The following VGLL4 variants were observed in gnomAD, a reference collection of about 807,000 sequenced individuals.
The protein encoded by VGLL4 is vestigial like family member 4, also known as transcription cofactor vestigial-like protein 4.
Under a neutral mutation model 21.0 loss-of-function variants are expected in VGLL4, and 7 were observed. The observed-to-expected ratio is 0.33, with a 90% CI of 0.19 to 0.63. VGLL4 has a LOEUF of 0.63. Ranked by LOEUF, VGLL4 falls within the 20% of genes least tolerant of loss-of-function variation. VGLL4 has a pLI of 0.78. For missense variants in VGLL4, 394 were observed against 425.7 expected (o/e 0.93, Z 0.66); for synonymous variants, 222 against 173.2 (o/e 1.28, Z -2.21).
Position 11,558,571 on chromosome 3 carries a change from G to T in VGLL4, c.876C>A (p.Pro292=). The change falls in exon 5 of 5, where the codon CCC becomes CCA. Residue 292 remains proline (P), a synonymous_variant. Coordinates refer to ENST00000430365, the MANE Select transcript of VGLL4 (RefSeq NM_001128219.3). Reference sequence around the variant, plus strand: ...GGCGCTCCCTTCAGGAGACCACAGAGGGGGAGTGACTGTGGCTGACCATGT... The same window carrying T: ...GGCGCTCCCTTCAGGAGACCACAGATGGGGAGTGACTGTGGCTGACCATGT... The part of the protein sequence containing the change: ...SAHMVSHSHS[P]SVVS 2 of 1,602,510 alleles carry T rather than the reference G, an allele frequency of 1.2e-6. No homozygotes were observed. Among genetic ancestry groups the T allele is most frequent in the East Asian group, 2.2e-5 (1 of 44,840 alleles).
chr3:11,561,500 G>A (rs1448889759), intron 3 of VGLL4, among the ~76,000 whole-genome samples: 1 of 152,172 alleles, frequency 6.6e-6, no homozygotes. Context: ...CCAGGCTGCA[G>A]GGTGGCCCGT....
chr3:11,684,757 T>TGTGTGTGTGTGTGTGTG (rs2076422305), intron 2 of VGLL4, among the ~76,000 whole-genome samples: 1 of 151,908 alleles, frequency 6.6e-6, no homozygotes, highest in African/African-American at 2.4e-5. Context: ...TGTGTGTGTG[T>TGTGTGTGTGTGTGTGTG]AAACAGAAAA....
At chr3:11,582,237 T>G (rs2125226900) in intron 2 of VGLL4, 1 of 1,594,486 alleles carries the variant, frequency 6.3e-7, no homozygotes, top group East Asian at 2.2e-5. Flanking sequence ...CCATCTGGTT[T>G]GAAAAAGCAA....
chr3:11,611,374 A>G (rs6767687), intron 1 of VGLL4, among the ~76,000 whole-genome samples: 75,584 of 152,078 alleles, frequency 0.5, 21,856 homozygotes, highest in Non-Finnish European at 0.68. Context: ...GATATGGGAG[A>G]AGAGAAGGCG....
intron 3 of VGLL4, 64 bp downstream of exon 3, chr3:11,564,733 C>T (rs1007785822): frequency 1.4e-6 from 2 of 1,471,212 alleles, no homozygotes; most frequent in Non-Finnish European, 1.8e-6. Context: ...GCTCGGGGCT[C>T]TCCATCCAGC....
At chr3:11,574,785 A>ATATGTGTGTGTGTGTGTG (rs1305114995) in intron 2 of VGLL4, among the ~76,000 whole-genome samples, 15 of 121,698 alleles carry the variant, frequency 1.2e-4, no homozygotes, top group African/African-American at 4.5e-4. Flanking sequence ...TCAACTATAT[A>ATATGTGTGTGTGTGTGTG]TGTGTGTGTG....
At chr3:11,564,061 T>C (rs2073290600) in intron 3 of VGLL4, among the ~76,000 whole-genome samples, 1 of 152,184 alleles carries the variant, frequency 6.6e-6, no homozygotes, top group South Asian at 2.1e-4. Context: ...TCTTAGCAAA[T>C]GCTGACTACT....
rs1424569662 is a variant in VGLL4 at position 11,719,672 on chromosome 3, CGCCAGGCCA to C, written c.-14+713_-14+721del. 6.6e-6 allele frequency: 1 copy of C among 152,324 alleles called. No homozygotes were observed. The highest frequency in any genetic ancestry group is 2.4e-5 in the African/African-American group (1 of 41,438). 9.4% of individuals were successfully genotyped at this position (152,324 alleles called of 1,614,324 possible). A position where few individuals can be genotyped will look rare whatever the true frequency, so the allele number is the denominator to read the frequency against. On this transcript the variant is annotated intron_variant, in intron 1 of 5. Coordinates refer to the VGLL4 transcript ENST00000273038. The surrounding 1 kb of genome is among the most constrained non-coding windows in gnomAD (Gnocchi z 4.0). ...GCACCGGCCAACCTGAGCCGGGCTC[CGCCAGGCCA>C]GCCAGGCCACGCCCTCGGTCACGCC...
At chr3:11,657,839 T>C (rs1403590473) in intron 2 of VGLL4, among the ~76,000 whole-genome samples, 2 of 152,236 alleles carry the variant, frequency 1.3e-5, no homozygotes, top group Admixed American at 6.5e-5. Flanking sequence ...ATTATGATCC[T>C]AGATGCAGTG....
At chr3:11,577,086 C>T (rs1020653250) in intron 2 of VGLL4, among the ~76,000 whole-genome samples, 3 of 152,196 alleles carry the variant, frequency 2.0e-5, no homozygotes, top group Middle Eastern at 3.2e-3. Context: ...TGACCCAGGG[C>T]TGGGCCATCC....
chr3:11,693,740 T>G (rs1431963623), intron 2 of VGLL4, among the ~76,000 whole-genome samples: 1 of 152,192 alleles, frequency 6.6e-6, no homozygotes, highest in African/African-American at 2.4e-5. Context: ...GATGAAGGAC[T>G]GTCCCCGAGC....
At chr3:11,622,709 G>A (rs1328013593) in intron 1 of VGLL4, among the ~76,000 whole-genome samples, 1 of 152,188 alleles carries the variant, frequency 6.6e-6, no homozygotes, top group African/African-American at 2.4e-5. Context: ...AGTTCTCTAG[G>A]CCCCTTATTC....
intron 2 of VGLL4, among the ~76,000 whole-genome samples, chr3:11,679,992 G>GT (rs2076347725): frequency 1.3e-5 from 2 of 152,168 alleles, no homozygotes; most frequent in African/African-American, 4.8e-5. Flanking sequence ...TCCAGTCATG[G>GT]TAAGTGCCCT....
At chr3:11,689,186 G>A (rs1316538889) in intron 2 of VGLL4, among the ~76,000 whole-genome samples, 2 of 152,140 alleles carry the variant, frequency 1.3e-5, no homozygotes, top group Non-Finnish European at 2.9e-5. Flanking sequence ...AGTGGAGGGT[G>A]TTCCTTTGGC....
At chr3:11,682,073 A>T (rs983892180) in intron 2 of VGLL4, among the ~76,000 whole-genome samples, 4 of 152,212 alleles carry the variant, frequency 2.6e-5, no homozygotes, top group Admixed American at 2.6e-4. Flanking sequence ...AGTCTGGCCA[A>T]CAAGGCGAAA....
intron 2 of VGLL4, among the ~76,000 whole-genome samples, chr3:11,673,736 A>G (rs79402293): frequency 0.022 from 3,367 of 152,212 alleles, 122 homozygotes; most frequent in African/African-American, 0.076. Flanking sequence ...CAGAATGGCC[A>G]GATGTGGTGG....
At chr3:11,669,668 T>G (rs982387922) in intron 2 of VGLL4, among the ~76,000 whole-genome samples, 1 of 152,132 alleles carries the variant, frequency 6.6e-6, no homozygotes, top group East Asian at 1.9e-4. Flanking sequence ...AGTAAGGAAT[T>G]AGAATAACTT....
At chr3:11,649,472 G>A (rs1243845285) in intron 2 of VGLL4, among the ~76,000 whole-genome samples, 1 of 152,144 alleles carries the variant, frequency 6.6e-6, no homozygotes, top group East Asian at 1.9e-4. Flanking sequence ...TTCCTATAAT[G>A]AAGATGCGGA....
chr3:11,656,249 A>G (rs1242407553), intron 2 of VGLL4, among the ~76,000 whole-genome samples: 2 of 152,194 alleles, frequency 1.3e-5, no homozygotes, highest in Admixed American at 1.3e-4. Flanking sequence ...AGTGCTTCCC[A>G]AATATTAAAG....
Sources: allele counts gnomAD v4.1 joint callset (sites outside exome capture counted in the v4.1 genomes callset), GRCh38; gene constraint gnomAD v4.1.1; non-coding constraint Gnocchi (gnomAD v3.1); transcripts MANE v1.5; gene names NCBI Gene and HGNC (gene_info 2026-07-23, HGNC 2026-07-21).